Variants in SLC13A3 observed in about 807,000 individuals in gnomAD.
SLC13A3 encodes solute carrier family 13 member 3.
A neutral mutation model predicts 59.0 loss-of-function variants in SLC13A3; 40 were observed. The observed-to-expected ratio is 0.68, with a 90% CI of 0.53 to 0.88. The LOEUF is 0.88. Ranked by LOEUF, SLC13A3 falls within the 40% of genes least tolerant of loss-of-function variation. The pLI, the probability that SLC13A3 is intolerant of heterozygous loss-of-function variation, is 0.00. For missense variants in SLC13A3, 699 were observed against 783.2 expected (o/e 0.89, Z 1.28); for synonymous variants, 317 against 330.3 (o/e 0.96, Z 0.44).
chr20:46,563,272 A>G, intron 12 of SLC13A3, 142 bp downstream of exon 12: 2 of 955,250 alleles, frequency 2.1e-6, no homozygotes, highest in South Asian at 2.0e-5. Context: ...TGCTAAATGT[A>G]TGTTCCTGGT....
intron 5 of SLC13A3, among the ~76,000 whole-genome samples, chr20:46,594,734 C>CTT (rs112750360): frequency 1.4e-5 from 2 of 143,238 alleles, no homozygotes; most frequent in African/African-American, 2.5e-5. Context: ...CCCACAACTT[C>CTT]TTTTTTTTTT....
At chr20:46,657,581 C>T (rs992982968) in intron 1 of SLC13A3, among the ~76,000 whole-genome samples, 10 of 152,142 alleles carry the variant, frequency 6.6e-5, no homozygotes, top group Non-Finnish European at 1.3e-4. Context: ...CAGTTCCCCA[C>T]CTCATCCTCC....
rs190983864 is a variant in SLC13A3, at chr20:46,666,373, C to T, written c.-31+3670G>A. ...TGGAGTCAGAAACATTGGGCTCTTGCTGAGCCAGGCAATATTGTTTTATTT... is the reference window on the plus strand; with the variant it reads ...TGGAGTCAGAAACATTGGGCTCTTGTTGAGCCAGGCAATATTGTTTTATTT... On this transcript the variant is annotated intron_variant, in intron 1 of 12. Transcript: ENST00000290317. 9.1e-4 allele frequency among the ~76,000 whole-genome samples: 138 copies of T among 152,270 alleles called. 1 individual carries two copies. Among genetic ancestry groups the T allele is most frequent in the African/African-American group, 3.1e-3 (130 of 41,546 alleles).
chr20:46,600,616 G>C (rs1252026865), intron 3 of SLC13A3: 2 of 465,860 alleles, frequency 4.3e-6, no homozygotes, highest in African/African-American at 4.0e-5. Context: ...AGTTGTGAAA[G>C]GCCAGCTATG....
chr20:46,653,755 A>G (rs573128573), upstream of SLC13A3, among the ~76,000 whole-genome samples: 23 of 152,292 alleles, frequency 1.5e-4, no homozygotes, highest in South Asian at 4.6e-3. Context: ...AGGCTCACCC[A>G]TGTTGTAGCA....
At position 46,560,129 on chromosome 20, in the gene SLC13A3, G is replaced by A. The variant is rs1183852145; in HGVS notation, c.1702C>T (p.Gln568Ter). Residue 568 changes from glutamine to a stop codon, truncating the protein, a stop_gained, in exon 13 of 13, where the codon CAG (glutamine) becomes TAG (stop). Coordinates refer to ENST00000279027, the MANE Select transcript of SLC13A3 (RefSeq NM_022829.6). LOFTEE classifies it low-confidence loss of function (END_TRUNC). ...AAGGTGCCCAGCTGGAAGATGGTCT[G>A]TGCCCAGGTATTCATAGCCAAACTG... ...LLSLAMNTWA[Q>*]TIFQLGTFPD... is the part of the protein sequence containing the mutation. 1.2e-6 allele frequency: 2 copies of A among 1,614,030 alleles called. No homozygotes were observed. Among genetic ancestry groups the A allele is most frequent in the African/African-American group, 1.3e-5 (1 of 74,890 alleles).
At chr20:46,658,384 T>C (rs1419666405) in intron 1 of SLC13A3, among the ~76,000 whole-genome samples, 2 of 152,002 alleles carry the variant, frequency 1.3e-5, no homozygotes, top group South Asian at 2.1e-4. Flanking sequence ...CATGAGGAAA[T>C]GTATAGGGTG....
At chr20:46,670,802 A>C (rs1047144925), upstream of SLC13A3, among the ~76,000 whole-genome samples, 1 of 152,190 alleles carries the variant, frequency 6.6e-6, no homozygotes, top group South Asian at 2.1e-4. Context: ...GAGGTGATTT[A>C]ATACAGAAAC....
chr20:46,608,499 G>A (rs767523818), intron 3 of SLC13A3, among the ~76,000 whole-genome samples: 10 of 152,138 alleles, frequency 6.6e-5, no homozygotes, highest in Non-Finnish European at 1.0e-4. Context: ...AGACTCTGCC[G>A]TTGCATAGAG....
At chr20:46,584,154 G>A (rs986232590) in intron 8 of SLC13A3, 15 of 985,168 alleles carry the variant, frequency 1.5e-5, no homozygotes, top group African/African-American at 1.2e-4. Flanking sequence ...TAACTGTCAC[G>A]TTTCAAGCAT....
intron 1 of SLC13A3, among the ~76,000 whole-genome samples, chr20:46,659,719 C>CCA (rs2063016699): frequency 6.7e-6 from 1 of 148,612 alleles, no homozygotes; most frequent in African/African-American, 2.5e-5. Context: ...CTATCCCCCC[C>CCA]CCCCAAAAAA....
chr20:46,626,096 A>T (rs370178635), intron 1 of SLC13A3, among the ~76,000 whole-genome samples: 32 of 111,712 alleles, frequency 2.9e-4, no homozygotes, highest in African/African-American at 1.6e-3. Flanking sequence ...TCAAAGCTGT[A>T]TTCTCTCTCT....
At chr20:46,635,649 T>A (rs2425889) in intron 1 of SLC13A3, among the ~76,000 whole-genome samples, 1 of 151,950 alleles carries the variant, frequency 6.6e-6, no homozygotes, top group East Asian at 1.9e-4. Context: ...TGAACCAGAG[T>A]GACTCCATCT....
At chr20:46,657,155 A>T (rs2062999728) in intron 1 of SLC13A3, among the ~76,000 whole-genome samples, 1 of 152,268 alleles carries the variant, frequency 6.6e-6, no homozygotes, top group East Asian at 1.9e-4. Flanking sequence ...TTTGAAAAAA[A>T]ACTTTTATCA....
intron 9 of SLC13A3, 54 bp downstream of exon 9, chr20:46,583,518 T>C: frequency 6.3e-7 from 1 of 1,598,580 alleles, no homozygotes; most frequent in Non-Finnish European, 8.5e-7. Flanking sequence ...ATGACCACAC[T>C]CCATGCCGCA....
chr20:46,632,302 C>T (rs1303242692), intron 1 of SLC13A3, among the ~76,000 whole-genome samples: 2 of 152,356 alleles, frequency 1.3e-5, no homozygotes, highest in South Asian at 2.1e-4. Context: ...GTGCCAGACC[C>T]TCTGGAGCTA....
At chr20:46,578,592 C>G (rs953812723) in intron 9 of SLC13A3, among the ~76,000 whole-genome samples, 1 of 151,998 alleles carries the variant, frequency 6.6e-6, no homozygotes, top group Non-Finnish European at 1.5e-5. Flanking sequence ...ATGAGAATCG[C>G]TTGAACCCGG....
At chr20:46,604,189 C>A (rs2062412629) in intron 3 of SLC13A3, among the ~76,000 whole-genome samples, 1 of 152,038 alleles carries the variant, frequency 6.6e-6, no homozygotes, top group Admixed American at 6.5e-5. Context: ...CCAACATCCC[C>A]CTCTCTTGCT....
chr20:46,570,204 C>T (rs375456023), intron 10 of SLC13A3, among the ~76,000 whole-genome samples: 8 of 152,156 alleles, frequency 5.3e-5, no homozygotes, highest in Admixed American at 4.6e-4. Context: ...TAAGTGCACA[C>T]GAAACACTCT....
Sources: gnomAD v4.1 joint callset for allele counts (sites outside exome capture counted in the v4.1 genomes callset) on GRCh38, gnomAD v4.1.1 for gene constraint, MANE v1.5 for transcripts, NCBI Gene and HGNC (gene_info 2026-07-23, HGNC 2026-07-21) for gene names.